ITPR1: variants seen among roughly 807,000 people sequenced by gnomAD.
ITPR1 encodes the protein inositol 1,4,5-trisphosphate receptor type 1, also known as inositol 1,4,5-trisphosphate-gated calcium channel ITPR1.
In ITPR1, 96 loss-of-function variants were observed where a neutral mutation model predicts 318.4. That is an observed-to-expected ratio of 0.30 (90% confidence interval 0.26 to 0.36). The LOEUF (loss-of-function observed/expected upper bound fraction) is 0.36. Among genes scored for constraint, ITPR1 ranks in the 10% least tolerant of loss-of-function variants. ITPR1 has a pLI of 1.00. For synonymous variants in ITPR1, 1,312 were observed against 1,289.9 expected (o/e 1.02, Z -0.37); for missense variants, 2,440 against 3,460.2 (o/e 0.71, Z 7.40).
chr3:4,703,913 A>G (rs1353283882), intron 36 of ITPR1, among the ~76,000 whole-genome samples: 1 of 152,236 alleles, frequency 6.6e-6, no homozygotes, highest in Admixed American at 6.5e-5. Flanking sequence ...TCTTAGAAAC[A>G]GGGCCCTGCA....
chr3:4,806,430 G>A (rs1171653364), intron 55 of ITPR1, among the ~76,000 whole-genome samples, 163 bp downstream of exon 55: 1 of 152,200 alleles, frequency 6.6e-6, no homozygotes, highest in African/African-American at 2.4e-5. Context: ...TGAGAGGAAA[G>A]CTCCACAGGA....
chr3:4,650,356 T>A (rs146644433), intron 10 of ITPR1, among the ~76,000 whole-genome samples: 171 of 152,310 alleles, frequency 1.1e-3, no homozygotes, highest in African/African-American at 3.9e-3. Flanking sequence ...TGTGTCAGCG[T>A]CCCAGTTCTC....
intron 44 of ITPR1, among the ~76,000 whole-genome samples, chr3:4,748,974 G>A (rs2044305865): frequency 6.6e-6 from 1 of 152,194 alleles, no homozygotes; most frequent in Admixed American, 6.5e-5. Context: ...TAGAAGAGAA[G>A]GCACAAGGCT....
At chr3:4,625,405 G>T (rs1421159424) in intron 4 of ITPR1, among the ~76,000 whole-genome samples, 4 of 152,064 alleles carry the variant, frequency 2.6e-5, no homozygotes, top group Non-Finnish European at 5.9e-5. Context: ...CAATAGCTAG[G>T]TATTTACCTG....
chr3:4,511,780 A>G (rs573500896), intron 2 of ITPR1, among the ~76,000 whole-genome samples: 2 of 152,294 alleles, frequency 1.3e-5, no homozygotes, highest in African/African-American at 2.4e-5. Flanking sequence ...CCTGCCTGCC[A>G]TGGGCTGAGA....
intron 4 of ITPR1, among the ~76,000 whole-genome samples, chr3:4,581,215 T>C (rs373078801): frequency 1.8e-4 from 28 of 152,104 alleles, no homozygotes; most frequent in East Asian, 1.3e-3. Flanking sequence ...ATCAGCAGGG[T>C]AGAGGAGGAC....
intron 4 of ITPR1, among the ~76,000 whole-genome samples, chr3:4,529,712 C>A (rs2083262808): frequency 6.6e-6 from 1 of 152,120 alleles, no homozygotes; most frequent in Non-Finnish European, 1.5e-5. Context: ...TTTTTTGGTT[C>A]CATCACCCTG....
chr3:4,760,680 C>A (rs1381124755), intron 44 of ITPR1, among the ~76,000 whole-genome samples: 1 of 152,162 alleles, frequency 6.6e-6, no homozygotes, highest in Admixed American at 6.5e-5. Context: ...GAGAAGGCTT[C>A]CTTGCCTTTT....
chr3:4,520,627 A>G (rs1225253112), intron 3 of ITPR1, among the ~76,000 whole-genome samples: 1 of 152,076 alleles, frequency 6.6e-6, no homozygotes, highest in Non-Finnish European at 1.5e-5. Flanking sequence ...AGGCTCCTGC[A>G]CTAGCCTTGA....
intron 61 of ITPR1, among the ~76,000 whole-genome samples, chr3:4,838,101 T>C (rs562466692): frequency 6.6e-6 from 1 of 152,304 alleles, no homozygotes; most frequent in East Asian, 1.9e-4. Context: ...TTTATATTAA[T>C]ATTTCTTTTC....
intron 4 of ITPR1, among the ~76,000 whole-genome samples, chr3:4,566,636 A>G (rs1292473366): frequency 6.6e-6 from 1 of 151,754 alleles, no homozygotes; most frequent in Non-Finnish European, 1.5e-5. Flanking sequence ...ACACACACAC[A>G]CACACACTGA....
At chr3:4,688,422 G>T in intron 30 of ITPR1, 73 bp from the exon 31 acceptor site, 1 of 1,564,348 alleles carries the variant, frequency 6.4e-7, no homozygotes, top group Non-Finnish European at 8.8e-7. Context: ...ACGTTAGCAG[G>T]AGGTGTTGGG....
intron 44 of ITPR1, among the ~76,000 whole-genome samples, chr3:4,759,950 C>T (rs558277354): frequency 6.6e-6 from 1 of 152,338 alleles, no homozygotes; most frequent in East Asian, 1.9e-4. Context: ...CTGCCCTGGC[C>T]TTTTCCTTAA....
In ITPR1 at chr3:4,516,649, G is replaced by A. The variant is rs2082191871; in HGVS notation, c.92+66G>A. On this transcript the variant is annotated intron_variant, in intron 3 of 61. Transcript: ENST00000649015. ...GACATCATAACATCAGCTTAAAACT[G>A]TGATTTTTCTAACATAAGAACGTCA... The A allele has an allele frequency of 3.1e-6, 3 of 977,976 alleles. No homozygotes were observed. In the Admixed American group the frequency reaches 6.7e-5, roughly 22 times the overall value. 60.6% of individuals were successfully genotyped at this position (977,976 alleles called of 1,614,324 possible).
chr3:4,749,622 A>G (rs1464604808), intron 44 of ITPR1: 1 of 152,244 alleles, frequency 6.6e-6, no homozygotes, highest in Non-Finnish European at 1.5e-5. Flanking sequence ...CTCTCAGTTC[A>G]AGCCACACAT....
In ITPR1 at chr3:4,846,804, C is replaced by T. The variant is rs1471188101; in HGVS notation, c.*579C>T. 1 of 152,616 alleles carries T rather than the reference C, an allele frequency of 6.6e-6. No individual in the cohort carries two copies. The highest frequency in any genetic ancestry group is 2.4e-5 in the African/African-American group (1 of 41,442). 9.5% of individuals were successfully genotyped at this position (152,616 alleles called of 1,614,324 possible). On this transcript the variant is annotated 3_prime_UTR_variant, in exon 62 of 62. Coordinates refer to ENST00000649015, the MANE Select transcript of ITPR1 (RefSeq NM_001378452.1). ...TGTTTCTCGTTAGTGGCAGTAGTGC[C>T]TCCGTCTCCTAGTGATAATGCTCCA...
intron 33 of ITPR1, among the ~76,000 whole-genome samples, chr3:4,696,113 T>C (rs886284307): frequency 1.6e-4 from 24 of 152,358 alleles, no homozygotes; most frequent in African/African-American, 5.8e-4. Flanking sequence ...TTTAGAAGCT[T>C]CATGGAGATG....
intron 54 of ITPR1, among the ~76,000 whole-genome samples, chr3:4,802,088 G>T (rs2048269844): frequency 6.6e-6 from 1 of 152,190 alleles, no homozygotes; most frequent in Non-Finnish European, 1.5e-5. Flanking sequence ...GGTGAAAAAA[G>T]GGTTCCGTGA....
intron 2 of ITPR1, among the ~76,000 whole-genome samples, chr3:4,495,903 CT>C (rs2080522764): frequency 6.6e-6 from 1 of 152,138 alleles, no homozygotes; most frequent in Non-Finnish European, 1.5e-5. Flanking sequence ...GATGAAATAA[CT>C]TGCATACCTC....
Sources: gnomAD v4.1 joint callset for allele counts (sites outside exome capture counted in the v4.1 genomes callset) on GRCh38, gnomAD v4.1.1 for gene constraint, MANE v1.5 for transcripts, NCBI Gene and HGNC (gene_info 2026-07-23, HGNC 2026-07-21) for gene names.